The following PCDHGB5 variants were observed in gnomAD, a reference collection of about 807,000 sequenced individuals.
PCDHGB5 encodes the protein protocadherin gamma-B5.
Under a neutral mutation model 62.9 loss-of-function variants are expected in PCDHGB5, and 48 were observed. The ratio of observed to expected loss-of-function variants is 0.76; its 90% CI spans 0.61 to 0.97. PCDHGB5 has a LOEUF of 0.97. PCDHGB5 is among the 50% of genes least tolerant of loss of function. The probability of loss-of-function intolerance (pLI) is 0.00; values close to 1 mark genes in which losing one functional copy is unlikely to be tolerated. For missense variants in PCDHGB5, 1,118 were observed against 1,198.6 expected (o/e 0.93, Z 0.99); for synonymous variants, 474 against 511.2 (o/e 0.93, Z 0.98).
chr5:141,452,525 G>A (rs1227647193), intron 1 of PCDHGB5, among the ~76,000 whole-genome samples: 3 of 152,126 alleles, frequency 2.0e-5, no homozygotes, highest in Admixed American at 6.5e-5. Flanking sequence ...CCTCAAAATC[G>A]TGAGTTCATA....
chr5:141,460,924 A>ATATATG (rs1561985817), intron 1 of PCDHGB5, among the ~76,000 whole-genome samples: 1 of 150,496 alleles, frequency 6.6e-6, no homozygotes, highest in African/African-American at 2.4e-5. Flanking sequence ...ATATATATAT[A>ATATATG]TGTGTGTGTG....
chr5:141,431,642 G>A lies in PCDHGB5; in HGVS notation c.2397+31118G>A, dbSNP rs762914489. The A allele has an allele frequency of 6.2e-7, 1 of 1,614,272 alleles. No homozygotes were observed. The highest frequency in any genetic ancestry group is 1.1e-5 in the South Asian group (1 of 91,090). On this transcript the variant is annotated intron_variant, in intron 1 of 3. Transcript: ENST00000617380. This position sits in a 1 kb window ranked among gnomAD's most constrained non-coding sequence, Gnocchi z 4.8. ...CAAGGCGGCCCAAGTTTTCAAACTA[G>A]ATTGTAATTCAGGGACAATATCAAC... is the stretch of plus-strand genomic sequence containing the variant.
intron 1 of PCDHGB5, among the ~76,000 whole-genome samples, chr5:141,407,095 T>C (rs1242751445): frequency 6.6e-6 from 1 of 152,370 alleles, no homozygotes; most frequent in East Asian, 1.9e-4. Flanking sequence ...ATTGTTTTAT[T>C]TGTTTGTAAT....
chr5:141,437,484 T>C (rs547317864), intron 1 of PCDHGB5, among the ~76,000 whole-genome samples: 2 of 152,332 alleles, frequency 1.3e-5, no homozygotes, highest in South Asian at 4.1e-4. Flanking sequence ...ATATTTAATC[T>C]CGTAGATCAC....
In PCDHGB5 at chr5:141,432,249, A is replaced by G; in HGVS notation, c.2397+31725A>G. The G allele has an allele frequency of 6.2e-7, 1 of 1,614,206 alleles. No individual in the cohort carries two copies. Among genetic ancestry groups the G allele is most frequent in the Non-Finnish European group, 8.5e-7 (1 of 1,180,044 alleles). On this transcript the variant is annotated intron_variant, in intron 1 of 3. Coordinates refer to ENST00000617380, the MANE Select transcript of PCDHGB5 (RefSeq NM_018925.3). The surrounding 1 kb of genome is among the most constrained non-coding windows in gnomAD (Gnocchi z 6.0). ...TATTCCCTGGCTGAGAACACCATCC[A>G]AGGGGCAAGCCTATCGTCCTACGTG...
At chr5:141,405,035 G>C in intron 1 of PCDHGB5, 1 of 1,613,964 alleles carries the variant, frequency 6.2e-7, no homozygotes, top group South Asian at 1.1e-5. Context: ...CTACCTCGTT[G>C]TGGCTGTGGC....
intron 1 of PCDHGB5, chr5:141,413,063 T>G: frequency 1.8e-6 from 2 of 1,142,610 alleles, no homozygotes; most frequent in East Asian, 5.1e-5. Context: ...CACTCCAGAA[T>G]TTAAAGTGCC....
chr5:141,476,596 C>T lies in PCDHGB5; in HGVS notation c.2398-18211C>T. 1 of 1,614,224 alleles carries T rather than the reference C, an allele frequency of 6.2e-7. No homozygotes were observed. Among genetic ancestry groups the T allele is most frequent in the Non-Finnish European group, 8.5e-7 (1 of 1,180,038 alleles). On this transcript the variant is annotated intron_variant, in intron 1 of 3. Coordinates refer to ENST00000617380, the MANE Select transcript of PCDHGB5 (RefSeq NM_018925.3). The surrounding 1 kb of genome is among the most constrained non-coding windows in gnomAD (Gnocchi z 7.6). The stretch of plus-strand genomic sequence containing the variant: ...CGCGCTTTCCGCTCGAGAGCGCGCA[C>T]GATCCCGATGTGGGAAGCAACTCTT...
At chr5:141,441,308 C>T (rs984341964) in intron 1 of PCDHGB5, 2 of 152,164 alleles carry the variant, frequency 1.3e-5, no homozygotes, top group African/African-American at 2.4e-5. Flanking sequence ...TAAGAAAATG[C>T]ACCTTGAGAA....
At chr5:141,473,682 G>A (rs2099326903) in intron 1 of PCDHGB5, among the ~76,000 whole-genome samples, 1 of 152,186 alleles carries the variant, frequency 6.6e-6, no homozygotes, top group Admixed American at 6.5e-5. Context: ...GGGAAGGGCT[G>A]GGGTTCTGAC....
Position 141,399,184 on chromosome 5 carries a change from C to T in PCDHGB5, c.1057C>T (p.Leu353=), listed in dbSNP as rs1398440525. The T allele has an allele frequency of 1.9e-6, 3 of 1,613,746 alleles. No individual in the cohort carries two copies. In the African/African-American group the frequency reaches 4.0e-5, roughly 22 times the overall value. The change falls in exon 1 of 4, where the codon CTG becomes TTG. Residue 353 remains leucine, a synonymous_variant. Coordinates refer to ENST00000617380, the MANE Select transcript of PCDHGB5 (RefSeq NM_018925.3). ...VTFHSLLEMI[L]ENAVPGTLIA... The stretch of plus-strand genomic sequence containing the variant: ...ATTCCATTCTCTACTTGAAATGATT[C>T]TGGAAAACGCGGTGCCTGGAACACT...
intron 1 of PCDHGB5, among the ~76,000 whole-genome samples, chr5:141,462,117 C>G (rs965365318): frequency 6.6e-6 from 1 of 152,170 alleles, no homozygotes; most frequent in African/African-American, 2.4e-5. Flanking sequence ...GCCACTGCAC[C>G]CAGTCCAATT....
In PCDHGB5 at chr5:141,490,959, C is replaced by T. The variant is rs1385897960; in HGVS notation, c.2398-3848C>T. ...TGCACCCACGGCCAGACTGGGAACA[C>T]TCAGCCCCCCAGCGTCTCCCTCGCT... On this transcript the variant is annotated intron_variant, in intron 1 of 3. Transcript: ENST00000617380. The surrounding 1 kb of genome is among the most constrained non-coding windows in gnomAD (Gnocchi z 5.4). 6.2e-7 allele frequency: 1 copy of T among 1,613,844 alleles called. No individual in the cohort carries two copies. Among genetic ancestry groups the T allele is most frequent in the South Asian group, 1.1e-5 (1 of 91,038 alleles).
chr5:141,499,565 C>T (rs1291006795), intron 2 of PCDHGB5, among the ~76,000 whole-genome samples: 1 of 152,168 alleles, frequency 6.6e-6, no homozygotes, highest in East Asian at 1.9e-4. Flanking sequence ...CACTATCCAG[C>T]TTCAACTAAT....
At chr5:141,509,411 AGCC>A (rs2099876675) in intron 3 of PCDHGB5, among the ~76,000 whole-genome samples, 2 of 152,098 alleles carry the variant, frequency 1.3e-5, no homozygotes, top group Admixed American at 1.3e-4. Flanking sequence ...TCCAGCAGCG[AGCC>A]CCAATGAGTC....
Position 141,489,690 on chromosome 5 carries a change from A to T in PCDHGB5, c.2398-5117A>T. The T allele has an allele frequency of 6.2e-7, 1 of 1,614,198 alleles. No individual in the cohort carries two copies. The highest frequency in any genetic ancestry group is 8.5e-7 in the Non-Finnish European group (1 of 1,180,024). ...TCTCAGAATCAGCAGCATCTGGGGC[A>T]CGATTCCCACTGGACAGTGCCCAGG... On this transcript the variant is annotated intron_variant, in intron 1 of 3. Coordinates refer to ENST00000617380, the MANE Select transcript of PCDHGB5 (RefSeq NM_018925.3). The surrounding 1 kb of genome is among the most constrained non-coding windows in gnomAD (Gnocchi z 4.5).
At chr5:141,492,673 C>T (rs2099743035) in intron 1 of PCDHGB5, among the ~76,000 whole-genome samples, 1 of 152,250 alleles carries the variant, frequency 6.6e-6, no homozygotes, top group Non-Finnish European at 1.5e-5. Flanking sequence ...GGGACTCCGT[C>T]TCAAGGGTCG....
In PCDHGB5 at chr5:141,477,718, A is replaced by G; in HGVS notation, c.2398-17089A>G. 6.2e-7 allele frequency: 1 copy of G among 1,613,928 alleles called. No homozygotes were observed. The highest frequency in any genetic ancestry group is 8.5e-7 in the Non-Finnish European group (1 of 1,180,034). On this transcript the variant is annotated intron_variant, in intron 1 of 3. Coordinates refer to ENST00000617380, the MANE Select transcript of PCDHGB5 (RefSeq NM_018925.3). The surrounding 1 kb of genome is among the most constrained non-coding windows in gnomAD (Gnocchi z 4.9). ...ACTATGAGGATCGGCGGGAATTTGA[A>G]TTAACAGCTCATATCAGCGATGGGG...
At chr5:141,415,569 A>G (rs962518094) in intron 1 of PCDHGB5, 12 of 1,614,092 alleles carry the variant, frequency 7.4e-6, no homozygotes, top group Non-Finnish European at 1.0e-5. Flanking sequence ...TGTCTTTGTT[A>G]GATGATTCGA....
Sources: gnomAD v4.1 joint callset for allele counts (sites outside exome capture counted in the v4.1 genomes callset) on GRCh38, gnomAD v4.1.1 for gene constraint, Gnocchi (gnomAD v3.1) non-coding constraint, MANE v1.5 for transcripts, NCBI Gene and HGNC (gene_info 2026-07-23, HGNC 2026-07-21) for gene names.